The following IREB2 variants were observed in gnomAD, a reference collection of about 807,000 sequenced individuals.
IREB2 encodes iron-responsive element-binding protein 2.
Under a neutral mutation model 118.8 loss-of-function variants are expected in IREB2, and 39 were observed. The observed-to-expected ratio is 0.33, with a 90% confidence interval of 0.25 to 0.43. The LOEUF (loss-of-function observed/expected upper bound fraction) is 0.43. Among genes scored for constraint, IREB2 ranks in the 20% least tolerant of loss-of-function variants. The pLI is 1.00. For missense variants in IREB2, 900 were observed against 1,147.3 expected (o/e 0.78, Z 3.11); for synonymous variants, 372 against 392.2 (o/e 0.95, Z 0.61).
intron 2 of IREB2, among the ~76,000 whole-genome samples, chr15:78,447,643 T>TA (rs903392401): frequency 2.6e-5 from 4 of 152,234 alleles, no homozygotes; most frequent in Admixed American, 6.5e-5. Flanking sequence ...ATTTTTTTTT[T>TA]ATCTTTTATA....
chr15:78,465,011 G>A (rs6495301), intron 3 of IREB2, among the ~76,000 whole-genome samples: 102 of 152,278 alleles, frequency 6.7e-4, no homozygotes, highest in African/African-American at 2.4e-3. Context: ...GTTCGCTTAT[G>A]CCTCAAAAAT....
At position 78,480,775 on chromosome 15, in the gene IREB2, C is replaced by T. The variant is rs569038517; in HGVS notation, c.1296+2378C>T. ...TTGGGAGGCCCGCACTTTGGGAGGC[C>T]GAAACAGGCAAATCATGAGGTCAGG... is the stretch of plus-strand genomic sequence containing the variant. On this transcript the variant is annotated intron_variant, in intron 10 of 21. Transcript: ENST00000258886. 9.1e-4 allele frequency among the ~76,000 whole-genome samples: 137 copies of T among 150,760 alleles called. 1 individual carries two copies. The highest frequency in any genetic ancestry group is 3.1e-3 in the African/African-American group (129 of 41,016).
In IREB2 at chr15:78,466,452, C is replaced by T; in HGVS notation, c.592C>T (p.Pro198Ser). 6.2e-7 allele frequency: 1 copy of T among 1,613,992 alleles called. No homozygotes were observed. Among genetic ancestry groups the T allele is most frequent in the Non-Finnish European group, 8.5e-7 (1 of 1,179,872 alleles). The change falls in exon 5 of 22, where the codon CCC becomes TCC. Residue 198 changes from proline (P) to serine (S), a missense_variant. Transcript: ENST00000258886. ...ATTTTCTTCGCAGATTGAGAATACACCCATCCTGTGTCCTTTTCATTTGCA... is the reference window on the plus strand; with the variant it reads ...ATTTTCTTCGCAGATTGAGAATACATCCATCCTGTGTCCTTTTCATTTGCA... ...GTFSSQIENTPILCPFHLQPV... is the reference protein window; with the variant it reads ...GTFSSQIENTSILCPFHLQPV...
At chr15:78,465,203 G>C in intron 3 of IREB2, 48 bp from the exon 4 acceptor site, 1 of 1,474,498 alleles carries the variant, frequency 6.8e-7, no homozygotes, top group Admixed American at 2.1e-5. Context: ...TATTAAGCAT[G>C]TATAAAAAAC....
intron 16 of IREB2, 31 bp downstream of exon 16, chr15:78,488,802 T>G (rs2051703458): frequency 7.8e-7 from 1 of 1,286,458 alleles, no homozygotes; most frequent in South Asian, 1.4e-5. Context: ...TTAAATAGTT[T>G]AATCAATTTG....
intron 12 of IREB2, among the ~76,000 whole-genome samples, 181 bp from the exon 13 acceptor site, chr15:78,485,524 A>C (rs1260260884): frequency 6.6e-6 from 1 of 152,260 alleles, no homozygotes; most frequent in Admixed American, 6.5e-5. Context: ...TAAAGGCTGT[A>C]ATTTTAAATT....
intron 2 of IREB2, among the ~76,000 whole-genome samples, chr15:78,450,549 G>C (rs1191490249): frequency 6.6e-6 from 1 of 152,216 alleles, no homozygotes; most frequent in Non-Finnish European, 1.5e-5. Context: ...TCAGGAACTA[G>C]TGGTGTGGGC....
chr15:78,479,686 A>G (rs1256712655), intron 10 of IREB2, among the ~76,000 whole-genome samples: 1 of 152,236 alleles, frequency 6.6e-6, no homozygotes, highest in Non-Finnish European at 1.5e-5. Flanking sequence ...TGTATTTTGC[A>G]AAATTCCGCT....
chr15:78,492,488 A>G (rs1341829465), intron 18 of IREB2, among the ~76,000 whole-genome samples: 1 of 152,040 alleles, frequency 6.6e-6, no homozygotes, highest in East Asian at 1.9e-4. Flanking sequence ...GTAAATAATC[A>G]ATTCTTTAAC....
At chr15:78,446,157 G>C (rs1431494936) in intron 2 of IREB2, among the ~76,000 whole-genome samples, 1 of 152,168 alleles carries the variant, frequency 6.6e-6, no homozygotes, top group Non-Finnish European at 1.5e-5. Flanking sequence ...TGCTGGTAGA[G>C]ACACAAATCT....
rs1309025143 is a variant in IREB2, at chr15:78,438,334, G to A, written c.-4G>A. On this transcript the variant is annotated 5_prime_UTR_variant, in exon 1 of 22. Transcript: ENST00000258886. The stretch of plus-strand genomic sequence containing the variant: ...TCCCCGGAGGGATAATATGGTCTCC[G>A]GCGATGGACGCCCCAAAAGCAGGTC... The A allele has an allele frequency of 9.4e-6, 15 of 1,592,796 alleles. No individual in the cohort carries two copies. Among genetic ancestry groups the A allele is most frequent in the Non-Finnish European group, 1.2e-5 (14 of 1,170,626 alleles).
chr15:78,464,106 A>C (rs564911833), intron 3 of IREB2, among the ~76,000 whole-genome samples: 11 of 152,270 alleles, frequency 7.2e-5, no homozygotes, highest in South Asian at 4.1e-4. Context: ...ATTCTCTCTT[A>C]ACCTGGACTA....
chr15:78,438,123 T>C (rs940790810), upstream of IREB2: 10 of 565,516 alleles, frequency 1.8e-5, no homozygotes, highest in Admixed American at 1.2e-4. Context: ...TCCCTTTCTT[T>C]GTTTTCCTGT....
At chr15:78,478,645 G>A (rs2051516308) in intron 10 of IREB2, among the ~76,000 whole-genome samples, 2 of 152,222 alleles carry the variant, frequency 1.3e-5, no homozygotes, top group African/African-American at 4.8e-5. Context: ...AAAGAAAGTT[G>A]CAGTGAGCTG....
Position 78,497,284 on chromosome 15 carries a change from G to T in IREB2, c.2754G>T (p.Leu918=), listed in dbSNP as rs963259863. Residue 918 remains leucine (L), a synonymous_variant, in exon 21 of 22, where the codon CTG becomes CTT. Transcript: ENST00000258886. ...ETFSLTFPEE[L]SPGITLNIQT... is the part of the protein sequence containing the mutation. ...TTTCTTTAACATTTCCTGAAGAACT[G>T]TCTCCTGGAATTACATTGAATATAC... 1 of 1,613,378 alleles carries T rather than the reference G, an allele frequency of 6.2e-7. No individual in the cohort carries two copies. The highest frequency in any genetic ancestry group is 8.5e-7 in the Non-Finnish European group (1 of 1,179,498).
At chr15:78,476,132 C>G in intron 8 of IREB2, 56 bp from the exon 9 acceptor site, 1 of 1,291,690 alleles carries the variant, frequency 7.7e-7, no homozygotes, top group South Asian at 1.7e-5. Flanking sequence ...TTCAGACAAT[C>G]GTTGCTAATC....
chr15:78,478,212 C>T lies in IREB2; in HGVS notation c.1196-85C>T, dbSNP rs78716277. 4,553 of 888,570 alleles carry T rather than the reference C, an allele frequency of 5.1e-3. 13 individuals are homozygous for T. The highest frequency in any genetic ancestry group is 7.1e-3 in the Non-Finnish European group (3,894 of 551,786). The allele number at this position is 888,570 out of a possible 1,614,324, so 55.0% of individuals were successfully genotyped here. A position where few individuals can be genotyped will look rare whatever the true frequency, so the allele number is the denominator to read the frequency against. ...TTGCAGCACTGCGCTCCAGCCTGGG[C>T]AACAAAGTGAAACCCTGTCTGAAAA... On this transcript the variant is annotated intron_variant, in intron 9 of 21. Transcript: ENST00000258886.
At position 78,466,427 on chromosome 15, in the gene IREB2, A is replaced by G. The variant is rs751984844; in HGVS notation, c.567A>G (p.Thr189=). ...DSGELGRNSG[T]FSSQIENTPI... ...GAGAACTAGGCCGAAACTCAGGAAC[A>G]TTTTCTTCGCAGATTGAGAATACAC... The change falls in exon 5 of 22, where the codon ACA becomes ACG. Residue 189 remains threonine, a synonymous_variant. Coordinates refer to ENST00000258886, the MANE Select transcript of IREB2 (RefSeq NM_004136.4). 14 of 1,614,000 alleles carry G rather than the reference A, an allele frequency of 8.7e-6. No individual in the cohort carries two copies. Among genetic ancestry groups the G allele is most frequent in the Admixed American group, 5.0e-5 (3 of 59,988 alleles).
intron 5 of IREB2, among the ~76,000 whole-genome samples, chr15:78,468,098 T>G (rs762396776): frequency 4.3e-4 from 66 of 152,280 alleles, no homozygotes; most frequent in Admixed American, 8.5e-4. Flanking sequence ...AAGTGATGCT[T>G]CCACCTTGGC....
Sources: gnomAD v4.1 joint callset for allele counts (sites outside exome capture counted in the v4.1 genomes callset) on GRCh38, gnomAD v4.1.1 for gene constraint, MANE v1.5 for transcripts, NCBI Gene and HGNC (gene_info 2026-07-23, HGNC 2026-07-21) for gene names.